Variants in MCF2L observed in about 807,000 individuals in gnomAD.
The protein encoded by MCF2L is MCF.2 cell line derived transforming sequence like.
A neutral mutation model predicts 153.4 loss-of-function variants in MCF2L; 97 were observed. That is an observed-to-expected ratio of 0.63 (90% CI 0.54 to 0.75). The LOEUF (loss-of-function observed/expected upper bound fraction) is 0.75. Ranked by LOEUF, MCF2L falls within the 30% of genes least tolerant of loss-of-function variation. The probability of loss-of-function intolerance (pLI) is 0.00; values close to 1 mark genes in which losing one functional copy is unlikely to be tolerated. For synonymous variants in MCF2L, 659 were observed against 632.2 expected (o/e 1.04, Z -0.64); for missense variants, 1,347 against 1,495.2 (o/e 0.90, Z 1.64).
chr13:113,097,589 C>G lies in MCF2L; in HGVS notation c.*730C>G, dbSNP rs2035757914. The G allele has an allele frequency of 6.6e-6, 1 of 152,058 alleles. No individual in the cohort carries two copies. The highest frequency in any genetic ancestry group is 2.4e-5 in the African/African-American group (1 of 41,388). 9.4% of individuals were successfully genotyped at this position (152,058 alleles called of 1,614,324 possible). A position where few individuals can be genotyped will look rare whatever the true frequency, so the allele number is the denominator to read the frequency against. ...AAAGCAGTTAGAAGCCAAGGAGATT[C>G]CTTTATCTACCTAGGGTTCATTTTC... On this transcript the variant is annotated 3_prime_UTR_variant, in exon 30 of 30. Coordinates refer to ENST00000535094, the MANE Select transcript of MCF2L (RefSeq NM_001112732.3).
chr13:113,010,783 C>T (rs897874557), intron 1 of MCF2L, among the ~76,000 whole-genome samples: 1 of 152,118 alleles, frequency 6.6e-6, no homozygotes, highest in African/African-American at 2.4e-5. Flanking sequence ...GGGAGCTGGG[C>T]CTGGCCTGGC....
At position 113,074,631 on chromosome 13, in the gene MCF2L, G is replaced by A. The variant is rs1440951911; in HGVS notation, c.1116+68G>A. 3 of 1,590,466 alleles carry A rather than the reference G, an allele frequency of 1.9e-6. No homozygotes were observed. In the East Asian group the frequency reaches 6.8e-5, roughly 36 times the overall value. On this transcript the variant is annotated intron_variant, in intron 10 of 29. Coordinates refer to ENST00000535094, the MANE Select transcript of MCF2L (RefSeq NM_001112732.3). The surrounding 1 kb of genome is among the most constrained non-coding windows in gnomAD (Gnocchi z 4.2). ...GCATCATCAAGTGCTGCTCAGGAAG[G>A]CGCAGGAATGGGCCTCCCGCCTACG...
chr13:113,000,229 G>T (rs1356997822), intron 1 of MCF2L, among the ~76,000 whole-genome samples: 1 of 152,206 alleles, frequency 6.6e-6, no homozygotes, highest in Non-Finnish European at 1.5e-5. Context: ...ACCTGCTGTG[G>T]CTCAGGGGGC....
In MCF2L at chr13:113,005,840, G is replaced by A. The variant is rs193089103; in HGVS notation, c.80-8923G>A. ...AACTATATCAAAACAGCACGTGTGC[G>A]CCTTAAATACATACAATTATTTTTC... On this transcript the variant is annotated intron_variant, in intron 1 of 29. Coordinates refer to ENST00000535094, the MANE Select transcript of MCF2L (RefSeq NM_001112732.3). 1.8e-3 allele frequency among the ~76,000 whole-genome samples: 279 copies of A among 152,312 alleles called. 1 individual carries two copies. Among genetic ancestry groups the A allele is most frequent in the African/African-American group, 6.2e-3 (257 of 41,558 alleles).
At chr13:113,016,899 G>A (rs1483799763) in intron 2 of MCF2L, among the ~76,000 whole-genome samples, 2 of 152,176 alleles carry the variant, frequency 1.3e-5, no homozygotes, top group African/African-American at 2.4e-5. Context: ...TGAGGGCTGG[G>A]TTTGTTCACA....
chr13:113,079,586 A>T (rs2033877597), intron 15 of MCF2L, among the ~76,000 whole-genome samples: 1 of 152,244 alleles, frequency 6.6e-6, no homozygotes, highest in African/African-American at 2.4e-5. Flanking sequence ...AGGCAGCGCC[A>T]GTGTGACCCT....
At chr13:112,971,475 C>T (rs1025294303) in intron 1 of MCF2L, among the ~76,000 whole-genome samples, 4 of 152,130 alleles carry the variant, frequency 2.6e-5, no homozygotes, top group African/African-American at 4.8e-5. Context: ...TTGCGTACAG[C>T]GGCTGGCCTT....
At chr13:112,958,698 C>A (rs955124831) in intron 2 of MCF2L, among the ~76,000 whole-genome samples, 1 of 152,162 alleles carries the variant, frequency 6.6e-6, no homozygotes, top group Non-Finnish European at 1.5e-5. Context: ...ACTTCCCGTG[C>A]CTTCATTACC....
At chr13:112,968,498 C>A, upstream of MCF2L, 1 of 1,584,214 alleles carries the variant, frequency 6.3e-7, no homozygotes, top group Non-Finnish European at 8.5e-7. Context: ...GCCTGCAGCG[C>A]GCGCTTCCCT....
chr13:113,087,236 G>A lies in MCF2L; in HGVS notation c.2375G>A (p.Gly792Glu). The A allele has an allele frequency of 1.2e-6, 2 of 1,610,834 alleles. No homozygotes were observed. The highest frequency in any genetic ancestry group is 1.1e-5 in the South Asian group (1 of 90,992). ...ACAGCCCTGCTGTCGCACATTTAGG[G>A]GAATCTCGGCGACCTGGGCAAGCTG... ...MHLIAITGYDGNLGDLGKLLM... is the reference protein window; with the variant it reads ...MHLIAITGYDENLGDLGKLLM... Residue 792 changes from glycine to glutamate, a missense_variant and splice_region_variant, in exon 22 of 30, where the codon GGG (glycine) becomes GAG (glutamate). Physicochemically the swap from Gly to Glu is moderately conservative, Grantham distance 98. Around this residue, in one of 3 missense-constraint regions of MCF2L, gnomAD observed 144 missense variants for 238.7 expected, o/e 0.60. Coordinates refer to ENST00000535094, the MANE Select transcript of MCF2L (RefSeq NM_001112732.3).
At chr13:112,966,638 C>T (rs1167411494), upstream of MCF2L, among the ~76,000 whole-genome samples, 2 of 152,024 alleles carry the variant, frequency 1.3e-5, no homozygotes, top group Non-Finnish European at 2.9e-5. The surrounding 1 kb of genome is among the most constrained non-coding windows in gnomAD (Gnocchi z 4.1). Context: ...GACATGGTGC[C>T]AGCCAGAGGA....
At chr13:112,982,350 T>C (rs2082464789) in intron 1 of MCF2L, among the ~76,000 whole-genome samples, 1 of 152,152 alleles carries the variant, frequency 6.6e-6, no homozygotes, top group Non-Finnish European at 1.5e-5. Flanking sequence ...GACTGGACGC[T>C]GGGCCAAGGG....
chr13:112,917,985 T>C (rs2081312809), intron 2 of MCF2L, among the ~76,000 whole-genome samples: 1 of 152,170 alleles, frequency 6.6e-6, no homozygotes, highest in South Asian at 2.1e-4. Context: ...TCCTGGTCTG[T>C]TTGAAGTCCC....
At chr13:112,922,048 C>G (rs890624864) in intron 2 of MCF2L, among the ~76,000 whole-genome samples, 2 of 152,080 alleles carry the variant, frequency 1.3e-5, no homozygotes. Context: ...ACACATGAGG[C>G]CCCAGCTCAC....
intron 2 of MCF2L, among the ~76,000 whole-genome samples, chr13:112,945,817 A>G (rs1188445645): frequency 1.3e-5 from 2 of 152,260 alleles, no homozygotes; most frequent in Non-Finnish European, 2.9e-5. Flanking sequence ...ACTGACATTC[A>G]TCATAGATGT....
In MCF2L at chr13:113,031,176, A is replaced by T. The variant is rs1336432446; in HGVS notation, c.278+6418A>T. ...AGACAGAGAGAAGAGACAGAGAGTG[A>T]CAGACAGAGACAGAGAGACAGAGAC... is the stretch of plus-strand genomic sequence containing the variant. On this transcript the variant is annotated intron_variant, in intron 3 of 29. Coordinates refer to ENST00000535094, the MANE Select transcript of MCF2L (RefSeq NM_001112732.3). This position sits in a 1 kb window ranked among gnomAD's most constrained non-coding sequence, Gnocchi z 5.5. 5.0e-5 allele frequency among the ~76,000 whole-genome samples: 5 copies of T among 100,112 alleles called. No individual in the cohort carries two copies. Among genetic ancestry groups the T allele is most frequent in the African/African-American group, 1.7e-4 (5 of 29,096 alleles). The allele number at this position is 100,112 out of a possible 152,430, so 65.7% of individuals were successfully genotyped here. A position where few individuals can be genotyped will look rare whatever the true frequency, so the allele number is the denominator to read the frequency against.
intron 2 of MCF2L, among the ~76,000 whole-genome samples, chr13:112,958,720 TCCTCATGCAGCTCCTCAGGCCTGGAATG>T (rs2081788357): frequency 6.6e-6 from 1 of 152,174 alleles, no homozygotes; most frequent in Admixed American, 6.5e-5. Context: ...CTGGGGCCTC[TCCTCATGCAGCTCCTCAGGCCTGGAATG>T]CCCCCAGCCC....
At chr13:112,962,652 A>C (rs1018331646) in intron 2 of MCF2L, among the ~76,000 whole-genome samples, 48 of 152,214 alleles carry the variant, frequency 3.2e-4, no homozygotes, top group Admixed American at 1.2e-3. Context: ...CACAGGCCTA[A>C]CTCCGGAGCA....
chr13:113,036,423 GTC>G (rs2086154368), intron 3 of MCF2L, among the ~76,000 whole-genome samples: 1 of 152,240 alleles, frequency 6.6e-6, no homozygotes, highest in South Asian at 2.1e-4. Context: ...GGCTGCCTGT[GTC>G]TCTGTGCTCT....
Sources: gnomAD v4.1 joint callset for allele counts (sites outside exome capture counted in the v4.1 genomes callset) on GRCh38, gnomAD v4.1.1 for gene constraint, gnomAD v4.1.1 regional missense constraint, Gnocchi (gnomAD v3.1) non-coding constraint, MANE v1.5 for transcripts, NCBI Gene and HGNC (gene_info 2026-07-23, HGNC 2026-07-21) for gene names.